Variants in OSMR observed in about 807,000 individuals in gnomAD.
OSMR encodes the protein oncostatin-M-specific receptor subunit beta.
In OSMR, 81 loss-of-function variants were observed where a neutral mutation model predicts 99.9. The ratio of observed to expected loss-of-function variants is 0.81; its 90% CI spans 0.68 to 0.97. OSMR has a LOEUF of 0.97. Among genes scored for constraint, OSMR ranks in the 50% least tolerant of loss-of-function variants. OSMR has a pLI of 0.00. For synonymous variants in OSMR, 406 were observed against 410.4 expected, an observed-to-expected ratio of 0.99 and a Z score of 0.13; for missense variants, 1,099 against 1,153.4, an observed-to-expected ratio of 0.95 and a Z score of 0.68.
At chr5:38,904,539 A>C (rs768345935) in intron 9 of OSMR, 36 bp downstream of exon 9, 1 of 1,613,866 alleles carries the variant, frequency 6.2e-7, no homozygotes. Context: ...CCAAAGAAGT[A>C]GGTCTTAGGA....
chr5:38,880,976 T>A (rs1220957333), intron 3 of OSMR, among the ~76,000 whole-genome samples: 1 of 151,980 alleles, frequency 6.6e-6, no homozygotes, highest in East Asian at 1.9e-4. Context: ...GGCCTAAGAG[T>A]CTGACAGATG....
At chr5:38,922,965 AG>A (rs1746303849) in intron 12 of OSMR, 184 bp from the exon 13 acceptor site, 1 of 179,022 alleles carries the variant, frequency 5.6e-6, no homozygotes, top group African/African-American at 2.4e-5. Flanking sequence ...TAGTAGAGAG[AG>A]GATTTCACCA....
chr5:38,894,299 A>C (rs1458647611), intron 7 of OSMR, among the ~76,000 whole-genome samples: 1 of 152,266 alleles, frequency 6.6e-6, no homozygotes, highest in African/African-American at 2.4e-5. Context: ...CAACTTCACA[A>C]TAGGATCAAA....
chr5:38,895,215 CA>C (rs1223914967), intron 7 of OSMR, among the ~76,000 whole-genome samples: 1 of 151,880 alleles, frequency 6.6e-6, no homozygotes, highest in Non-Finnish European at 1.5e-5. Flanking sequence ...AAACTGACCC[CA>C]AAGCTAGAAA....
At chr5:38,888,894 A>G (rs1266886992) in intron 7 of OSMR, among the ~76,000 whole-genome samples, 1 of 152,220 alleles carries the variant, frequency 6.6e-6, no homozygotes, top group Non-Finnish European at 1.5e-5. Flanking sequence ...AATGTCAATG[A>G]AAGTTTTACT....
At chr5:38,944,695 T>C (rs1747980881) in intron 2 of OSMR, 1 of 943,018 alleles carries the variant, frequency 1.1e-6, no homozygotes, top group Non-Finnish European at 1.6e-6. Flanking sequence ...CTACCAATCA[T>C]TTTGGGAGCA....
chr5:38,891,884 A>C (rs570504718), intron 7 of OSMR, among the ~76,000 whole-genome samples: 1 of 152,094 alleles, frequency 6.6e-6, no homozygotes, highest in Non-Finnish European at 1.5e-5. Context: ...CCTGAACACT[A>C]TGGCCAGTGT....
downstream of OSMR, chr5:38,940,203 G>A (rs933617993): frequency 4.4e-6 from 1 of 226,542 alleles, no homozygotes; most frequent in Non-Finnish European, 8.7e-6. Context: ...CAGGATAGAT[G>A]ACCAAGGTGA....
intron 9 of OSMR, among the ~76,000 whole-genome samples, chr5:38,915,942 A>G (rs533467287): frequency 1.2e-4 from 18 of 152,304 alleles, no homozygotes; most frequent in Non-Finnish European, 5.9e-5. Context: ...TGGATGTGCT[A>G]TAATTGGGTC....
At chr5:38,868,024 C>T (rs1157505885) in intron 1 of OSMR, among the ~76,000 whole-genome samples, 1 of 151,068 alleles carries the variant, frequency 6.6e-6, no homozygotes, top group Non-Finnish European at 1.5e-5. Flanking sequence ...ATGGAGATGC[C>T]CTCACCTCCA....
rs995594030 is a variant in OSMR at position 38,904,258 on chromosome 5, G to A, written c.1135-95G>A. 27 of 1,548,174 alleles carry A rather than the reference G, an allele frequency of 1.7e-5. No individual in the cohort carries two copies. The East Asian group carries it at 6.6e-4, about 38-fold the overall frequency. ...ATCTTACTCCAGGTCAGGATTTGCT[G>A]TGCTCTGGTTTGCCTTTGTAATGGG... On this transcript the variant is annotated intron_variant, in intron 8 of 17. Coordinates refer to ENST00000274276, the MANE Select transcript of OSMR (RefSeq NM_003999.3).
intron 4 of OSMR, among the ~76,000 whole-genome samples, chr5:38,883,243 A>G (rs184357641): frequency 2.4e-4 from 36 of 152,334 alleles, no homozygotes; most frequent in Non-Finnish European, 4.7e-4. Context: ...TGAAGGTTGG[A>G]TTTTTTAAAA....
rs766782842 is a variant in OSMR, at chr5:38,885,444, T to C, written c.799T>C (p.Trp267Arg). 6.2e-7 allele frequency: 1 copy of C among 1,614,044 alleles called. No homozygotes were observed. Among genetic ancestry groups the C allele is most frequent in the South Asian group, 1.1e-5 (1 of 91,078 alleles). ...WDPGTDTALGWSKQPSQSYTL... is the reference protein window; with the variant it reads ...WDPGTDTALGRSKQPSQSYTL... ...TCCTGGGACGGACACTGCCTTGGGG[T>C]GGTCTAAACAACCTTCCCAAAGCTA... is the stretch of plus-strand genomic sequence containing the variant. The change falls in exon 6 of 18, where the codon TGG (tryptophan) becomes CGG (arginine). Residue 267 changes from tryptophan to arginine, a missense_variant. By Grantham distance (101) the Trp-to-Arg change is moderately radical. Transcript: ENST00000274276.
intron 10 of OSMR, 99 bp downstream of exon 10, chr5:38,917,721 C>A: frequency 1.1e-6 from 1 of 927,204 alleles, no homozygotes; most frequent in Non-Finnish European, 1.7e-6. Context: ...GGTTCAGTGT[C>A]CCAACTGGGA....
At chr5:38,886,411 C>G in intron 7 of OSMR, 1 of 1,292,148 alleles carries the variant, frequency 7.7e-7, no homozygotes, top group Non-Finnish European at 1.0e-6. Flanking sequence ...GAGCTTACTA[C>G]CCAACTTCAA....
chr5:38,929,669 C>T (rs1746630662), intron 15 of OSMR, among the ~76,000 whole-genome samples: 1 of 152,154 alleles, frequency 6.6e-6, no homozygotes, highest in African/African-American at 2.4e-5. Flanking sequence ...CTAAAATGAG[C>T]ATATATATAC....
At chr5:38,899,501 G>A (rs534031351) in intron 7 of OSMR, among the ~76,000 whole-genome samples, 35 of 152,234 alleles carry the variant, frequency 2.3e-4, no homozygotes, top group African/African-American at 7.5e-4. Context: ...CTCACTGTAG[G>A]CACTGTAGTG....
intron 15 of OSMR, among the ~76,000 whole-genome samples, chr5:38,927,001 C>T (rs1579808371): frequency 1.3e-5 from 2 of 152,202 alleles, no homozygotes; most frequent in Admixed American, 6.5e-5. Context: ...CATGCAAGTT[C>T]GAAATCCAAT....
intron 1 of OSMR, among the ~76,000 whole-genome samples, chr5:38,862,430 A>C (rs1741502821): frequency 7.4e-6 from 1 of 134,784 alleles, no homozygotes; most frequent in African/African-American, 2.9e-5. Flanking sequence ...TGACCCCCCC[A>C]CCTCCCTCCC....
Sources: gnomAD v4.1 joint callset for allele counts (sites outside exome capture counted in the v4.1 genomes callset) on GRCh38, gnomAD v4.1.1 for gene constraint, MANE v1.5 for transcripts, NCBI Gene and HGNC (gene_info 2026-07-23, HGNC 2026-07-21) for gene names.